The following C3 variants were observed in gnomAD, a reference collection of about 807,000 sequenced individuals.
The protein encoded by C3 is C3 and PZP-like alpha-2-macroglobulin domain-containing protein 1.
In C3, 97 loss-of-function variants were observed where a neutral mutation model predicts 207.9. That is an observed-to-expected ratio of 0.47 (90% CI 0.40 to 0.55). The LOEUF is 0.55. Among genes scored for constraint, C3 ranks in the 20% least tolerant of loss-of-function variants. C3 has a pLI of 0.00. For missense variants in C3, 1,684 were observed against 2,171.7 expected (o/e 0.78, Z 4.46); for synonymous variants, 848 against 857.6 (o/e 0.99, Z 0.20).
At chr19:6,707,389 C>T in intron 16 of C3, 77 bp downstream of exon 16, 1 of 1,601,492 alleles carries the variant, frequency 6.2e-7, no homozygotes, top group Non-Finnish European at 8.6e-7. Flanking sequence ...CCTCCTCCCT[C>T]TCTGGCTCCT....
Position 6,684,762 on chromosome 19 carries a change from T to C in C3, c.4029+13A>G, listed in dbSNP as rs1485835307. 1 of 1,614,078 alleles carries C rather than the reference T, an allele frequency of 6.2e-7. No homozygotes were observed. Among genetic ancestry groups the C allele is most frequent in the Admixed American group, 1.7e-5 (1 of 60,026 alleles). On this transcript the variant is annotated intron_variant, in intron 31 of 40. Transcript: ENST00000245907. ...GGGCATGGGCCAGGCAGGTGTGGGT[T>C]TCTGTTCCTTACCGACAAGGTGCCT...
At chr19:6,678,076 G>A in intron 40 of C3, 53 bp from the exon 41 acceptor site, 1 of 1,614,048 alleles carries the variant, frequency 6.2e-7, no homozygotes, top group Non-Finnish European at 8.5e-7. Flanking sequence ...CGTGGCGCAG[G>A]GGCGTGACAA....
intron 4 of C3, among the ~76,000 whole-genome samples, chr19:6,715,628 G>GT (rs1383678918): frequency 2.5e-4 from 36 of 143,376 alleles, no homozygotes; most frequent in African/African-American, 7.6e-4. Flanking sequence ...TGTTTTTTTT[G>GT]TTTTTTTTTT....
intron 14 of C3, 91 bp from the exon 15 acceptor site, chr19:6,708,020 G>A (rs1471018276): frequency 6.7e-7 from 1 of 1,498,024 alleles, no homozygotes; most frequent in Non-Finnish European, 9.2e-7. Flanking sequence ...CTTCCCAAAT[G>A]ACCCCACCCT....
intron 19 of C3, among the ~76,000 whole-genome samples, chr19:6,700,454 T>TATATA (rs1967631203): frequency 4.5e-5 from 2 of 44,248 alleles, no homozygotes; most frequent in Admixed American, 4.3e-4. Flanking sequence ...ATATATGTAA[T>TATATA]ATATATGTTA....
At chr19:6,689,360 CCTCT>C (rs1218148901) in intron 27 of C3, among the ~76,000 whole-genome samples, 21 of 16,546 alleles carry the variant, frequency 1.3e-3, no homozygotes, top group African/African-American at 2.7e-3. Context: ...TCCCTCCCTC[CCTCT>C]CTCTCTCTCT....
At chr19:6,709,620 C>A in intron 14 of C3, 64 bp downstream of exon 14, 20 of 1,143,146 alleles carry the variant, frequency 1.7e-5, no homozygotes, top group East Asian at 2.8e-5. Flanking sequence ...GTCCCACCCA[C>A]CTCCCCCAGC....
intron 19 of C3, among the ~76,000 whole-genome samples, chr19:6,699,036 T>A (rs1967595598): frequency 6.6e-6 from 1 of 152,116 alleles, no homozygotes. Context: ...CCTCAGGTGA[T>A]CTGCCTGCCT....
intron 29 of C3, 79 bp from the exon 30 acceptor site, chr19:6,685,225 C>A: frequency 7.5e-7 from 1 of 1,324,902 alleles, no homozygotes; most frequent in South Asian, 1.2e-5. Flanking sequence ...TAAAGAGGTT[C>A]AAATCAGAGC....
chr19:6,683,446 A>ATTTTTTTTTTTTTTTT (rs770744810), intron 33 of C3: 1 of 93,428 alleles, frequency 1.1e-5, no homozygotes, highest in African/African-American at 4.4e-5. Flanking sequence ...GTTTTATTCT[A>ATTTTTTTTTTTTTTTT]TTTTTTTTTT....
At chr19:6,693,279 T>C in intron 25 of C3, 133 bp downstream of exon 25, 1 of 1,094,508 alleles carries the variant, frequency 9.1e-7, no homozygotes, top group Non-Finnish European at 1.3e-6. Context: ...CAGCCAGCGC[T>C]TGCCTGGACT....
intron 29 of C3, among the ~76,000 whole-genome samples, 165 bp downstream of exon 29, chr19:6,685,959 G>C (rs1332324617): frequency 6.6e-6 from 1 of 152,172 alleles, no homozygotes; most frequent in Non-Finnish European, 1.5e-5. Context: ...AGAACCTATA[G>C]ATGGGTTTGC....
At chr19:6,702,251 C>A (rs974006530) in intron 18 of C3, 39 bp from the exon 19 acceptor site, 1 of 1,322,476 alleles carries the variant, frequency 7.6e-7, no homozygotes, top group East Asian at 2.3e-5. Context: ...GAGATGTCAT[C>A]TAGCAGGGTG....
intron 21 of C3, among the ~76,000 whole-genome samples, 153 bp downstream of exon 21, chr19:6,697,191 T>C (rs999809663): frequency 9.5e-6 from 1 of 104,796 alleles, no homozygotes; most frequent in Non-Finnish European, 1.9e-5. Context: ...CAATCCTGGC[T>C]CTGCTTCTGA....
At chr19:6,717,743 T>G (rs1968068270) in intron 4 of C3, 2 of 369,310 alleles carry the variant, frequency 5.4e-6, no homozygotes, top group South Asian at 2.3e-5. Context: ...GTGTTGTGTG[T>G]TGTGTGTGTG....
chr19:6,683,732 C>T (rs956916059), intron 33 of C3, among the ~76,000 whole-genome samples: 37 of 152,194 alleles, frequency 2.4e-4, no homozygotes, highest in African/African-American at 8.7e-4. Context: ...ATTACAGGCG[C>T]GAGCCGCCAC....
intron 24 of C3, 63 bp downstream of exon 24, chr19:6,694,368 C>T: frequency 6.8e-7 from 1 of 1,473,434 alleles, no homozygotes; most frequent in South Asian, 1.1e-5. Context: ...GAGGTGGGAT[C>T]TTAGGGGAGG....
Position 6,696,417 on chromosome 19 carries a change from A to G in C3, c.2912T>C (p.Val971Ala), listed in dbSNP as rs1967535131. The change falls in exon 23 of 41, where the codon GTC becomes GCC. Residue 971 changes from valine to alanine, a missense_variant. Transcript: ENST00000245907. Reference protein sequence around the residue: ...DIPPADLSDQVPDTESETRIL... With the variant: ...DIPPADLSDQAPDTESETRIL... ...TCTGGTCTCAGACTCGGTGTCCGGG[A>G]CTTGGTCACTGAGGTCTGCAGGTGG... is the stretch of plus-strand genomic sequence containing the variant. 4 of 1,613,660 alleles carry G rather than the reference A, an allele frequency of 2.5e-6. No homozygotes were observed. Among genetic ancestry groups the G allele is most frequent in the Non-Finnish European group, 3.4e-6 (4 of 1,179,794 alleles).
chr19:6,699,945 A>G (rs1967608507), intron 19 of C3, among the ~76,000 whole-genome samples: 1 of 149,758 alleles, frequency 6.7e-6, no homozygotes, highest in Non-Finnish European at 1.5e-5. Flanking sequence ...TCAATAATAA[A>G]TGATACATCA....
Sources: gnomAD v4.1 joint callset for allele counts (sites outside exome capture counted in the v4.1 genomes callset) on GRCh38, gnomAD v4.1.1 for gene constraint, MANE v1.5 for transcripts, NCBI Gene and HGNC (gene_info 2026-07-23, HGNC 2026-07-21) for gene names.